The following TMTC1 variants were observed in gnomAD, a reference collection of about 807,000 sequenced individuals.
TMTC1 encodes the protein protein O-mannosyl-transferase TMTC1.
In TMTC1, 73 loss-of-function variants were observed where a neutral mutation model predicts 104.8. The ratio of observed to expected loss-of-function variants is 0.70; its 90% CI spans 0.58 to 0.85. The LOEUF (loss-of-function observed/expected upper bound fraction) is 0.85. Ranked by LOEUF, TMTC1 falls within the 40% of genes least tolerant of loss-of-function variation. The pLI is 0.00. For synonymous variants in TMTC1, 434 were observed against 428.7 expected, an observed-to-expected ratio of 1.01 and a Z score of -0.15; for missense variants, 1,035 against 1,096.1, an observed-to-expected ratio of 0.94 and a Z score of 0.79.
Position 29,767,810 on chromosome 12 carries a change from A to G in TMTC1, c.480+88T>C. The G allele has an allele frequency of 3.8e-6, 4 of 1,040,418 alleles. No individual in the cohort carries two copies. The Admixed American group carries it at 8.7e-5, about 23-fold the overall frequency. 64.4% of individuals were successfully genotyped at this position (1,040,418 alleles called of 1,614,324 possible). A position where few individuals can be genotyped will look rare whatever the true frequency, so the allele number is the denominator to read the frequency against. On this transcript the variant is annotated intron_variant, in intron 2 of 17. Transcript: ENST00000539277. Reference sequence around the variant, plus strand: ...TATCTACATATACACACATATTTACATGTATATATATGTGTGTGTATACAC... The same window carrying G: ...TATCTACATATACACACATATTTACGTGTATATATATGTGTGTGTATACAC...
rs190778338 is a variant in TMTC1, at chr12:29,693,427, A to G, written c.938+58239T>C. 1.4e-3 allele frequency among the ~76,000 whole-genome samples: 153 copies of G among 112,120 alleles called. 13 individuals carry two copies. Among genetic ancestry groups the G allele is most frequent in the African/African-American group, 4.4e-3 (139 of 31,548 alleles). The allele number at this position is 112,120 out of a possible 152,430, so 73.6% of individuals were successfully genotyped here. On this transcript the variant is annotated intron_variant, in intron 5 of 17. Transcript: ENST00000539277. ...AATATATAATAAATTACTATTAACTATAGTCAGTCTATAGTTCTATAGAAT... is the reference window on the plus strand; with the variant it reads ...AATATATAATAAATTACTATTAACTGTAGTCAGTCTATAGTTCTATAGAAT...
chr12:29,706,740 A>G (rs575034919), intron 5 of TMTC1, among the ~76,000 whole-genome samples: 1 of 152,258 alleles, frequency 6.6e-6, no homozygotes, highest in East Asian at 1.9e-4. Context: ...GTTTACTGTT[A>G]ATTCTTTCAA....
At chr12:29,752,875 T>C (rs1029701980) in intron 4 of TMTC1, among the ~76,000 whole-genome samples, 1 of 152,258 alleles carries the variant, frequency 6.6e-6, no homozygotes, top group Non-Finnish European at 1.5e-5. Context: ...TGATTCCCTC[T>C]GGAGAGAGAG....
chr12:29,670,213 T>A (rs886583982), intron 5 of TMTC1, among the ~76,000 whole-genome samples: 1 of 152,234 alleles, frequency 6.6e-6, no homozygotes, highest in African/African-American at 2.4e-5. Flanking sequence ...GATGGATAAA[T>A]TCAAGTATAA....
intron 5 of TMTC1, among the ~76,000 whole-genome samples, chr12:29,648,552 A>C (rs1939374354): frequency 6.6e-6 from 1 of 152,214 alleles, no homozygotes; most frequent in African/African-American, 2.4e-5. Context: ...AACCAGAGGC[A>C]GACAGAGGCT....
At chr12:29,633,392 A>G in intron 5 of TMTC1, 56 bp from the exon 6 acceptor site, 1 of 1,426,354 alleles carries the variant, frequency 7.0e-7, no homozygotes, top group Non-Finnish European at 9.6e-7. Flanking sequence ...ACATTCTGTA[A>G]GCGTTCAGTC....
chr12:29,664,136 G>A (rs903770366), intron 5 of TMTC1, among the ~76,000 whole-genome samples: 4 of 149,846 alleles, frequency 2.7e-5, no homozygotes, highest in East Asian at 2.0e-4. Flanking sequence ...GCAGTGAGCC[G>A]AGATCCCGCC....
chr12:29,661,242 CCAGT>C, intron 5 of TMTC1: 1 of 453,204 alleles, frequency 2.2e-6, no homozygotes, highest in East Asian at 1.6e-4. Flanking sequence ...CCCAAATAAC[CCAGT>C]CATTTTGAAA....
At chr12:29,679,874 GA>G (rs1940854904) in intron 5 of TMTC1, among the ~76,000 whole-genome samples, 1 of 151,760 alleles carries the variant, frequency 6.6e-6, no homozygotes, top group South Asian at 2.1e-4. Context: ...TGAAATAAAA[GA>G]AAAAAACATG....
chr12:29,766,391 G>A (rs1351024957), intron 2 of TMTC1, among the ~76,000 whole-genome samples: 1 of 152,106 alleles, frequency 6.6e-6, no homozygotes, highest in Non-Finnish European at 1.5e-5. Flanking sequence ...TGACAACTAT[G>A]TCACTTCTGA....
At chr12:29,652,398 C>A (rs1410288467) in intron 5 of TMTC1, among the ~76,000 whole-genome samples, 1 of 152,188 alleles carries the variant, frequency 6.6e-6, no homozygotes, top group Admixed American at 6.5e-5. Context: ...GTGGGTCATT[C>A]TCATGACAGA....
chr12:29,532,608 A>T (rs1347313863), intron 11 of TMTC1: 1 of 152,192 alleles, frequency 6.6e-6, no homozygotes, highest in Non-Finnish European at 1.5e-5. Context: ...AACAGGATAC[A>T]AACAGTGTAT....
At chr12:29,658,457 CCTT>C (rs1939859992) in intron 5 of TMTC1, 1 of 152,236 alleles carries the variant, frequency 6.6e-6, no homozygotes, top group African/African-American at 2.4e-5. Context: ...TCTCTGCCTT[CCTT>C]CTTCTCCTGA....
chr12:29,552,001 G>A (rs1366128812), intron 10 of TMTC1, among the ~76,000 whole-genome samples: 2 of 152,166 alleles, frequency 1.3e-5, no homozygotes, highest in African/African-American at 4.8e-5. Flanking sequence ...CTGCTGCTAT[G>A]AATGGGTCTG....
At chr12:29,760,947 T>C (rs1565819908) in intron 2 of TMTC1, among the ~76,000 whole-genome samples, 1 of 147,804 alleles carries the variant, frequency 6.8e-6, no homozygotes, top group Non-Finnish European at 1.5e-5. Flanking sequence ...TGCATTTGCA[T>C]ATATATACTA....
chr12:29,647,031 GT>G (rs1939297136), intron 5 of TMTC1, among the ~76,000 whole-genome samples: 1 of 152,116 alleles, frequency 6.6e-6, no homozygotes. Context: ...GAAAAAACAT[GT>G]TTCTTTTTGA....
intron 5 of TMTC1, among the ~76,000 whole-genome samples, chr12:29,647,440 C>T (rs1175788757): frequency 2.0e-5 from 3 of 152,150 alleles, no homozygotes. Flanking sequence ...TATTATTTTA[C>T]AAAAGAAACA....
intron 5 of TMTC1, among the ~76,000 whole-genome samples, chr12:29,741,673 CA>C (rs1285628987): frequency 2.0e-5 from 3 of 152,162 alleles, no homozygotes; most frequent in Non-Finnish European, 2.9e-5. Flanking sequence ...ACATACACCC[CA>C]AAACTAATCA....
At position 29,586,748 on chromosome 12, in the gene TMTC1, C is replaced by T. The variant is rs569451856; in HGVS notation, c.1251-3174G>A. The stretch of plus-strand genomic sequence containing the variant: ...ATGCTGGATTACGTTTATTGATTTT[C>T]GAATGTTAAACCAGCCTTGCATCCC... On this transcript the variant is annotated intron_variant, in intron 7 of 17. Transcript: ENST00000539277. Among the ~76,000 whole-genome samples the T allele has an allele frequency of 4.8e-5, 7 of 146,564 alleles. 1 individual carries two copies. Among genetic ancestry groups the T allele is most frequent in the South Asian group, 2.2e-4 (1 of 4,610 alleles).
Sources: allele counts gnomAD v4.1 joint callset (sites outside exome capture counted in the v4.1 genomes callset), GRCh38; gene constraint gnomAD v4.1.1; transcripts MANE v1.5; gene names NCBI Gene and HGNC (gene_info 2026-07-23, HGNC 2026-07-21).